PFKFB4: variants seen among roughly 807,000 people sequenced by gnomAD.
PFKFB4 encodes the protein 6-phosphofructo-2-kinase/fructose-2,6-bisphosphatase 4.
PFKFB4 carries 42 observed loss-of-function variants against 62.8 expected under a neutral mutation model. That is an observed-to-expected ratio of 0.67 (90% confidence interval 0.52 to 0.86). The LOEUF (loss-of-function observed/expected upper bound fraction) is 0.86. Ranked by LOEUF, PFKFB4 falls within the 40% of genes least tolerant of loss-of-function variation. The pLI, the probability that PFKFB4 is intolerant of heterozygous loss-of-function variation, is 0.00. For missense variants in PFKFB4, 475 were observed against 627.2 expected (o/e 0.76, Z 2.59); for synonymous variants, 204 against 240.7 (o/e 0.85, Z 1.41).
intron 2 of PFKFB4, 43 bp downstream of exon 2, chr3:48,550,075 T>C (rs756270263): frequency 2.0e-6 from 3 of 1,482,268 alleles, no homozygotes; most frequent in Non-Finnish European, 2.8e-6. Flanking sequence ...CTCTTCGTCA[T>C]GCCCCACAAA....
intron 10 of PFKFB4, among the ~76,000 whole-genome samples, chr3:48,524,073 C>A (rs2042181272): frequency 6.6e-6 from 1 of 152,146 alleles, no homozygotes; most frequent in Admixed American, 6.5e-5. Context: ...CCTCAGGCTC[C>A]ATCCCAGGGT....
intron 9 of PFKFB4, among the ~76,000 whole-genome samples, chr3:48,533,216 G>A (rs1470596493): frequency 6.6e-6 from 1 of 152,098 alleles, no homozygotes; most frequent in African/African-American, 2.4e-5. Context: ...CATCTGGCTT[G>A]AGTTATTGTT....
At chr3:48,546,328 TAC>T (rs1309219186) in intron 3 of PFKFB4, among the ~76,000 whole-genome samples, 4 of 152,230 alleles carry the variant, frequency 2.6e-5, no homozygotes, top group Middle Eastern at 3.4e-3. Context: ...TCCAAGCATA[TAC>T]AGAGTATGCA....
At chr3:48,560,084 C>T (rs2043409537), upstream of PFKFB4, among the ~76,000 whole-genome samples, 1 of 152,188 alleles carries the variant, frequency 6.6e-6, no homozygotes, top group Non-Finnish European at 1.5e-5. Flanking sequence ...GCCACCACAT[C>T]TGGCCCACAA....
chr3:48,555,919 A>C (rs2043301509), intron 1 of PFKFB4, among the ~76,000 whole-genome samples: 1 of 152,048 alleles, frequency 6.6e-6, no homozygotes. Context: ...AAAAAAAAAA[A>C]AAACTGCCAG....
chr3:48,526,699 G>A lies in PFKFB4; in HGVS notation c.988-1030C>T, dbSNP rs148908134. Among the ~76,000 whole-genome samples, 10 of 152,158 alleles carry A rather than the reference G, an allele frequency of 6.6e-5. 1 individual carries two copies. The East Asian group carries it at 1.7e-3, about 26-fold the overall frequency. ...CTCATGCCTGTAATCCCAGCACTTT[G>A]GGAGGCTGAGGCAGGTGGATCATGA... On this transcript the variant is annotated intron_variant, in intron 9 of 13. Coordinates refer to ENST00000232375, the MANE Select transcript of PFKFB4 (RefSeq NM_004567.4).
In PFKFB4 at chr3:48,517,826, C is replaced by T. The variant is rs2041967101; in HGVS notation, c.*1921G>A. ...GCCAGCATGGCCGAAATGTGGCAGCCAATCAGCTACACCTCAGCCCATGCG... is the reference window on the plus strand; with the variant it reads ...GCCAGCATGGCCGAAATGTGGCAGCTAATCAGCTACACCTCAGCCCATGCG... On this transcript the variant is annotated 3_prime_UTR_variant, in exon 14 of 14. Coordinates refer to ENST00000232375, the MANE Select transcript of PFKFB4 (RefSeq NM_004567.4). The T allele has an allele frequency of 6.5e-6, 1 of 152,730 alleles. No homozygotes were observed. The highest frequency in any genetic ancestry group is 6.5e-5 in the Admixed American group (1 of 15,296). The allele number at this position is 152,730 out of a possible 1,614,324, so 9.5% of individuals were successfully genotyped here.
chr3:48,536,690 T>C (rs1229816477), intron 7 of PFKFB4: 13 of 538,114 alleles, frequency 2.4e-5, no homozygotes, highest in East Asian at 1.2e-4. Flanking sequence ...TGGGAGGTGC[T>C]CGTCACTCAT....
intron 1 of PFKFB4, among the ~76,000 whole-genome samples, chr3:48,553,982 G>T (rs528478104): frequency 6.6e-6 from 1 of 152,140 alleles, no homozygotes; most frequent in Non-Finnish European, 1.5e-5. Flanking sequence ...GTCTGAGCTC[G>T]GAGGCCAATG....
At chr3:48,557,453 G>A (rs746500854), upstream of PFKFB4, among the ~76,000 whole-genome samples, 5 of 152,232 alleles carry the variant, frequency 3.3e-5, no homozygotes, top group African/African-American at 1.2e-4. Flanking sequence ...CGCTGGAAAA[G>A]CTCTTTTACC....
At chr3:48,535,875 T>C (rs1161312719) in intron 8 of PFKFB4, among the ~76,000 whole-genome samples, 1 of 152,164 alleles carries the variant, frequency 6.6e-6, no homozygotes, top group Non-Finnish European at 1.5e-5. Flanking sequence ...AGCAGCACAG[T>C]TACAGCTGAG....
intron 9 of PFKFB4, among the ~76,000 whole-genome samples, chr3:48,526,287 G>A (rs376127854): frequency 9.2e-5 from 14 of 151,568 alleles, no homozygotes; most frequent in South Asian, 8.3e-4. Context: ...AAAGTTGGCT[G>A]GGCGTGGTGG....
At position 48,556,334 on chromosome 3, in the gene PFKFB4, T is replaced by G; in HGVS notation, c.97+347A>C. 1 of 522,188 alleles carries G rather than the reference T, an allele frequency of 1.9e-6. No individual in the cohort carries two copies. The highest frequency in any genetic ancestry group is 3.7e-6 in the Non-Finnish European group (1 of 273,332). The allele number at this position is 522,188 out of a possible 1,614,324, so 32.3% of individuals were successfully genotyped here. On this transcript the variant is annotated intron_variant, in intron 1 of 13. Transcript: ENST00000232375. The surrounding 1 kb of genome is among the most constrained non-coding windows in gnomAD (Gnocchi z 5.7). ...CTTGGCCAGGAGAGAGGGAAGGGCC[T>G]GGGGTGCCCACAGGGTCCTCCCCAG... is the stretch of plus-strand genomic sequence containing the variant.
intron 3 of PFKFB4, among the ~76,000 whole-genome samples, chr3:48,549,358 C>T (rs1360388365): frequency 6.6e-6 from 1 of 152,118 alleles, no homozygotes; most frequent in Admixed American, 6.5e-5. Flanking sequence ...GAGAGCTTAT[C>T]CTGGGGCAAG....
upstream of PFKFB4, chr3:48,561,179 G>T: frequency 1.1e-6 from 1 of 904,764 alleles, no homozygotes; most frequent in Non-Finnish European, 1.5e-6. The surrounding 1 kb of genome is among the most constrained non-coding windows in gnomAD (Gnocchi z 5.2). Context: ...ACCCCGCCTA[G>T]CACTCTGAAG....
intron 3 of PFKFB4, 126 bp from the exon 4 acceptor site, chr3:48,543,772 T>A (rs1262872736): frequency 4.1e-6 from 3 of 728,838 alleles, no homozygotes; most frequent in Non-Finnish European, 7.4e-6. Context: ...TGCTCTCTTT[T>A]CAAAGTTTCC....
intron 3 of PFKFB4, 149 bp downstream of exon 3, chr3:48,549,715 C>A: frequency 3.2e-6 from 2 of 634,632 alleles, no homozygotes; most frequent in South Asian, 3.6e-5. Flanking sequence ...GCCATCAGGG[C>A]TGGGCAAGGC....
At chr3:48,542,907 T>C (rs966529309) in intron 4 of PFKFB4, among the ~76,000 whole-genome samples, 1 of 152,186 alleles carries the variant, frequency 6.6e-6, no homozygotes, top group East Asian at 1.9e-4. Context: ...TACTGGAGGA[T>C]GTGCTTCAAT....
At chr3:48,544,278 C>T (rs1266154673) in intron 3 of PFKFB4, among the ~76,000 whole-genome samples, 4 of 152,000 alleles carry the variant, frequency 2.6e-5, no homozygotes, top group Admixed American at 6.6e-5. Flanking sequence ...GGCTGGCCCT[C>T]GGGCAGTGTT....
Sources: allele counts gnomAD v4.1 joint callset (sites outside exome capture counted in the v4.1 genomes callset), GRCh38; gene constraint gnomAD v4.1.1; non-coding constraint Gnocchi (gnomAD v3.1); transcripts MANE v1.5; gene names NCBI Gene and HGNC (gene_info 2026-07-23, HGNC 2026-07-21).